Variants in PAPOLA observed in about 807,000 individuals in gnomAD.
The protein encoded by PAPOLA is poly(A) polymerase alpha.
PAPOLA carries 15 observed loss-of-function variants against 100.6 expected under a neutral mutation model. The ratio of observed to expected loss-of-function variants is 0.15; its 90% CI spans 0.10 to 0.23. The LOEUF is 0.23. Ranked by LOEUF, PAPOLA falls within the 10% of genes least tolerant of loss-of-function variation. PAPOLA has a pLI of 1.00. For synonymous variants in PAPOLA, 293 were observed against 300.0 expected (o/e 0.98, Z 0.24); for missense variants, 533 against 884.2 (o/e 0.60, Z 5.04).
intron 1 of PAPOLA, among the ~76,000 whole-genome samples, chr14:96,513,317 C>T (rs148004049): frequency 7.9e-5 from 12 of 152,288 alleles, no homozygotes; most frequent in African/African-American, 2.6e-4. Context: ...GATCTTCCTA[C>T]CTCAGCCTCC....
intron 18 of PAPOLA, 73 bp downstream of exon 18, chr14:96,556,020 G>A: frequency 8.3e-7 from 1 of 1,204,934 alleles, no homozygotes; most frequent in South Asian, 1.3e-5. Flanking sequence ...TTGAAAAGTG[G>A]GTTTGTTAAG....
At chr14:96,564,903 T>A in intron 21 of PAPOLA, 52 bp from the exon 22 acceptor site, 20 of 926,510 alleles carry the variant, frequency 2.2e-5, no homozygotes, top group Non-Finnish European at 3.4e-5. Flanking sequence ...TACATCTCAT[T>A]GTTAAATTAT....
chr14:96,562,473 G>A (rs1403928502), intron 20 of PAPOLA: 1 of 157,518 alleles, frequency 6.3e-6, no homozygotes, highest in Non-Finnish European at 1.4e-5. Context: ...CTGTCCTTGG[G>A]TTTATGCTCT....
chr14:96,535,331 T>C (rs1321429997), intron 10 of PAPOLA: 1 of 985,094 alleles, frequency 1.0e-6, no homozygotes, highest in Non-Finnish European at 1.2e-6. Context: ...TACAACTTAC[T>C]TTGTGGAAAT....
intron 1 of PAPOLA, among the ~76,000 whole-genome samples, chr14:96,512,974 T>C (rs910416430): frequency 3.9e-5 from 6 of 152,268 alleles, no homozygotes; most frequent in African/African-American, 1.4e-4. Context: ...ATTTCTGTTG[T>C]GCTGGAATTC....
At chr14:96,519,540 C>A (rs942735050) in intron 1 of PAPOLA, among the ~76,000 whole-genome samples, 3 of 152,058 alleles carry the variant, frequency 2.0e-5, no homozygotes, top group African/African-American at 7.2e-5. Context: ...TTAAAAAGAT[C>A]ATTAACAAGC....
chr14:96,552,357 C>G, intron 16 of PAPOLA, 123 bp from the exon 17 acceptor site: 1 of 913,172 alleles, frequency 1.1e-6, no homozygotes, highest in Non-Finnish European at 1.6e-6. Flanking sequence ...GCACATCTAA[C>G]TTTCGTAGAT....
Position 96,532,315 on chromosome 14 carries a change from TACCCC to T in PAPOLA, c.608-15_608-11del. The T allele has an allele frequency of 1.9e-6, 3 of 1,592,138 alleles. No individual in the cohort carries two copies. Among genetic ancestry groups the T allele is most frequent in the Admixed American group, 1.8e-5 (1 of 54,664 alleles). On this transcript the variant is annotated splice_polypyrimidine_tract_variant and intron_variant, in intron 7 of 21. Transcript: ENST00000216277. ...GTGTGTGTGTGTGTGTGTTTTTTTTTACCCCTATTAATTAGGTTGCAGGGTAACCG... is the reference window on the plus strand; with the variant it reads ...GTGTGTGTGTGTGTGTGTTTTTTTTTTATTAATTAGGTTGCAGGGTAACCG...
chr14:96,552,772 T>C, intron 17 of PAPOLA, 150 bp downstream of exon 17: 1 of 685,686 alleles, frequency 1.5e-6, no homozygotes. Context: ...TTCCCAGGTT[T>C]GGGGATAGTA....
intron 6 of PAPOLA, among the ~76,000 whole-genome samples, chr14:96,530,678 C>T (rs960699764): frequency 2.0e-5 from 3 of 152,104 alleles, no homozygotes; most frequent in Non-Finnish European, 2.9e-5. Context: ...GAGCCACTAC[C>T]CCCAGCCTAT....
At chr14:96,514,554 G>A (rs1276960496) in intron 1 of PAPOLA, among the ~76,000 whole-genome samples, 2 of 152,132 alleles carry the variant, frequency 1.3e-5, no homozygotes, top group Admixed American at 1.3e-4. Flanking sequence ...TAGTTAAGTC[G>A]AATGTCTAAC....
intron 3 of PAPOLA, among the ~76,000 whole-genome samples, chr14:96,521,765 C>T (rs990107331): frequency 2.6e-5 from 4 of 152,118 alleles, no homozygotes; most frequent in African/African-American, 4.8e-5. Context: ...AGGCGTGAGC[C>T]GCTGCCCGGC....
chr14:96,542,700 T>C, intron 13 of PAPOLA, 74 bp from the exon 14 acceptor site: 1 of 1,366,322 alleles, frequency 7.3e-7, no homozygotes, highest in Non-Finnish European at 1.0e-6. Context: ...TGAAATGCCC[T>C]GGTATGTGCA....
intron 1 of PAPOLA, among the ~76,000 whole-genome samples, chr14:96,505,951 T>C (rs1896684823): frequency 6.6e-6 from 1 of 152,174 alleles, no homozygotes; most frequent in African/African-American, 2.4e-5. Flanking sequence ...GTCGCCGGGC[T>C]GGAATGCAGT....
intron 6 of PAPOLA, among the ~76,000 whole-genome samples, chr14:96,530,161 C>A (rs1898869030): frequency 6.6e-6 from 1 of 152,064 alleles, no homozygotes; most frequent in Non-Finnish European, 1.5e-5. Context: ...AGGCTATTTG[C>A]CTAAATTTGG....
At chr14:96,550,407 G>A (rs2140317256) in intron 16 of PAPOLA, among the ~76,000 whole-genome samples, 1 of 152,144 alleles carries the variant, frequency 6.6e-6, no homozygotes, top group South Asian at 2.1e-4. Context: ...AAGTAAATTT[G>A]AATATAAGAT....
chr14:96,504,536 CA>C (rs1323725004), intron 1 of PAPOLA: 1 of 152,212 alleles, frequency 6.6e-6, no homozygotes, highest in African/African-American at 2.4e-5. Flanking sequence ...AACTTCATCT[CA>C]ACAAAAAACA....
At chr14:96,504,688 G>A (rs1166328299) in intron 1 of PAPOLA, 2 of 152,190 alleles carry the variant, frequency 1.3e-5, no homozygotes, top group Non-Finnish European at 2.9e-5. Context: ...GTGACAGAGC[G>A]AGACTCAAAA....
Position 96,520,821 on chromosome 14 carries a change from A to G in PAPOLA, c.183-185A>G. Reference sequence around the variant, plus strand: ...TTACTCAGTGTAACAGTGCCTGTATATATATATAGAAAGAGAGAGAGAGAG... The same window carrying G: ...TTACTCAGTGTAACAGTGCCTGTATGTATATATAGAAAGAGAGAGAGAGAG... On this transcript the variant is annotated intron_variant, in intron 2 of 21. Transcript: ENST00000216277. 9.7e-6 allele frequency: 5 copies of G among 515,672 alleles called. No homozygotes were observed. In the South Asian group the frequency reaches 9.9e-5, roughly 10 times the overall value. The allele number at this position is 515,672 out of a possible 1,614,324, so 31.9% of individuals were successfully genotyped here.
Sources: allele counts gnomAD v4.1 joint callset (sites outside exome capture counted in the v4.1 genomes callset), GRCh38; gene constraint gnomAD v4.1.1; transcripts MANE v1.5; gene names NCBI Gene and HGNC (gene_info 2026-07-23, HGNC 2026-07-21).